RABGAP1L: variants seen among roughly 807,000 people sequenced by gnomAD.
RABGAP1L encodes the protein rab GTPase-activating protein 1-like.
Under a neutral mutation model 137.7 loss-of-function variants are expected in RABGAP1L, and 63 were observed. The ratio of observed to expected loss-of-function variants is 0.46; its 90% confidence interval spans 0.37 to 0.56. The LOEUF (loss-of-function observed/expected upper bound fraction) is 0.56. RABGAP1L is among the 20% of genes least tolerant of loss of function. The probability of loss-of-function intolerance (pLI) is 0.00; values close to 1 mark genes in which losing one functional copy is unlikely to be tolerated. For missense variants in RABGAP1L, 1,095 were observed against 1,244.0 expected (o/e 0.88, Z 1.80); for synonymous variants, 431 against 433.7 (o/e 0.99, Z 0.08).
intron 15 of RABGAP1L, among the ~76,000 whole-genome samples, chr1:174,694,111 C>A (rs1679073065): frequency 4.6e-5 from 7 of 152,058 alleles, no homozygotes; most frequent in Admixed American, 4.6e-4. Context: ...TTACTAAAAT[C>A]ATCTACTTCA....
At chr1:174,793,135 A>G (rs1410058676) in intron 18 of RABGAP1L, among the ~76,000 whole-genome samples, 3 of 151,842 alleles carry the variant, frequency 2.0e-5, no homozygotes, top group African/African-American at 2.4e-5. Context: ...TCCATCTCCA[A>G]AAAAAAAGAA....
chr1:174,468,372 G>A (rs1423228653), intron 13 of RABGAP1L, among the ~76,000 whole-genome samples: 1 of 152,070 alleles, frequency 6.6e-6, no homozygotes, highest in Non-Finnish European at 1.5e-5. Flanking sequence ...TGCAAGACGT[G>A]TATACACATA....
In RABGAP1L at chr1:174,564,298, T is replaced by C. The variant is rs562310781; in HGVS notation, c.1711-73077T>C. Among the ~76,000 whole-genome samples, 37 of 152,314 alleles carry C rather than the reference T, an allele frequency of 2.4e-4. No homozygotes were observed. The South Asian group carries it at 7.5e-3, about 31-fold the overall frequency. On this transcript the variant is annotated intron_variant, in intron 13 of 25. Coordinates refer to ENST00000681986, the MANE Select transcript of RABGAP1L (RefSeq NM_001366446.1). ...TTCCCCTGAGACATACTGGTTCTGT[T>C]AGATCTGTCACATATATTATGATTG...
At chr1:174,196,763 T>G (rs1174717488) in intron 1 of RABGAP1L, among the ~76,000 whole-genome samples, 1 of 152,184 alleles carries the variant, frequency 6.6e-6, no homozygotes, top group African/African-American at 2.4e-5. Context: ...TTTATAAACA[T>G]GTTTTCCTGT....
At chr1:174,190,518 T>G (rs1212365471) in intron 1 of RABGAP1L, among the ~76,000 whole-genome samples, 1 of 152,208 alleles carries the variant, frequency 6.6e-6, no homozygotes, top group Non-Finnish European at 1.5e-5. Context: ...TGCGGCTTCC[T>G]TACCCTTTTT....
chr1:174,541,937 T>G (rs1370356277), intron 13 of RABGAP1L, among the ~76,000 whole-genome samples: 1 of 152,260 alleles, frequency 6.6e-6, no homozygotes, highest in Non-Finnish European at 1.5e-5. Context: ...ATCCCAGGGA[T>G]AAAGCCAACT....
intron 1 of RABGAP1L, among the ~76,000 whole-genome samples, chr1:174,195,863 T>G (rs1667649589): frequency 1.4e-5 from 2 of 140,608 alleles, no homozygotes; most frequent in Admixed American, 7.5e-5. Flanking sequence ...TGAGACAGAG[T>G]CTTGCTCTAT....
chr1:174,507,972 A>G (rs1572100965), intron 13 of RABGAP1L, among the ~76,000 whole-genome samples: 1 of 152,158 alleles, frequency 6.6e-6, no homozygotes, highest in South Asian at 2.1e-4. Context: ...ATGCTTTAAT[A>G]TGAATGGATT....
intron 18 of RABGAP1L, among the ~76,000 whole-genome samples, chr1:174,780,190 T>G (rs1314943450): frequency 8.5e-5 from 13 of 152,196 alleles, no homozygotes; most frequent in Non-Finnish European, 2.9e-5. Flanking sequence ...GTTTCCATCC[T>G]GCTTTTCCCA....
intron 18 of RABGAP1L, chr1:174,800,213 C>T (rs753828911): frequency 1.4e-6 from 2 of 1,410,800 alleles, no homozygotes; most frequent in Non-Finnish European, 1.8e-6. Flanking sequence ...ACAATTCCCA[C>T]CACAGACTGG....
intron 13 of RABGAP1L, among the ~76,000 whole-genome samples, chr1:174,418,583 A>G (rs1650880089): frequency 6.6e-6 from 1 of 152,210 alleles, no homozygotes. Flanking sequence ...GTCTTACCTT[A>G]GTAATCTTAA....
intron 17 of RABGAP1L, chr1:174,705,125 C>T (rs1679954218): frequency 1.3e-5 from 2 of 151,908 alleles, no homozygotes; most frequent in Admixed American, 1.3e-4. Context: ...CTATAGTGTT[C>T]ATTGTAGAAA....
chr1:174,341,258 T>TA (rs1487655267), intron 11 of RABGAP1L, among the ~76,000 whole-genome samples: 2 of 152,230 alleles, frequency 1.3e-5, no homozygotes, highest in Non-Finnish European at 2.9e-5. Context: ...TTCAGTGTGA[T>TA]AAGTGCCTCA....
At chr1:174,428,164 T>C (rs1417233327) in intron 13 of RABGAP1L, among the ~76,000 whole-genome samples, 2 of 152,222 alleles carry the variant, frequency 1.3e-5, no homozygotes, top group Non-Finnish European at 2.9e-5. Context: ...CAACATATTA[T>C]GAGATCTTTG....
rs996795061 is a variant in RABGAP1L at position 174,974,178 on chromosome 1, G to C, written c.2545-1900G>C. Among the ~76,000 whole-genome samples, 12 of 151,908 alleles carry C rather than the reference G, an allele frequency of 7.9e-5. No homozygotes were observed. In the East Asian group the frequency reaches 1.4e-3, roughly 17 times the overall value. ...TAATTTTTTTTGTATTTTTAGTAGA[G>C]ACAGGGTTTCACCGTGTTAGCCAGG... is the stretch of plus-strand genomic sequence containing the variant. On this transcript the variant is annotated intron_variant, in intron 21 of 25. Coordinates refer to ENST00000681986, the MANE Select transcript of RABGAP1L (RefSeq NM_001366446.1).
chr1:174,750,473 T>A (rs1383657807), intron 17 of RABGAP1L, among the ~76,000 whole-genome samples: 1 of 152,198 alleles, frequency 6.6e-6, no homozygotes. Context: ...ACATTCATAC[T>A]CTAAGAAATG....
intron 13 of RABGAP1L, among the ~76,000 whole-genome samples, chr1:174,490,628 CA>C (rs1558278700): frequency 6.6e-6 from 1 of 152,102 alleles, no homozygotes; most frequent in African/African-American, 2.4e-5. Context: ...CAGCAGGTAG[CA>C]ATGCCAGAAA....
At chr1:174,706,220 G>T (rs1680035056) in intron 17 of RABGAP1L, among the ~76,000 whole-genome samples, 1 of 152,070 alleles carries the variant, frequency 6.6e-6, no homozygotes, top group Admixed American at 6.5e-5. Flanking sequence ...TATAGACCTT[G>T]ACAATGCAGC....
intron 13 of RABGAP1L, among the ~76,000 whole-genome samples, chr1:174,515,632 A>G (rs1662757063): frequency 6.6e-6 from 1 of 152,174 alleles, no homozygotes; most frequent in South Asian, 2.1e-4. Flanking sequence ...TGCTACAACC[A>G]TACTTACGTG....
Sources: gnomAD v4.1 joint callset for allele counts (sites outside exome capture counted in the v4.1 genomes callset) on GRCh38, gnomAD v4.1.1 for gene constraint, MANE v1.5 for transcripts, NCBI Gene and HGNC (gene_info 2026-07-23, HGNC 2026-07-21) for gene names.